Variants in DDX55 observed in about 807,000 individuals in gnomAD.
DDX55 encodes DEAD-box helicase 55.
DDX55 carries 56 observed loss-of-function variants against 69.2 expected under a neutral mutation model. The ratio of observed to expected loss-of-function variants is 0.81; its 90% CI spans 0.65 to 1.01. The LOEUF (loss-of-function observed/expected upper bound fraction) is 1.01. Among genes scored for constraint, DDX55 ranks in the 50% least tolerant of loss-of-function variants. The pLI is 0.00. For synonymous variants in DDX55, 268 were observed against 273.1 expected, an observed-to-expected ratio of 0.98 and a Z score of 0.18; for missense variants, 720 against 745.1, an observed-to-expected ratio of 0.97 and a Z score of 0.39.
chr12:123,602,793 A>G (rs1953647763), intron 1 of DDX55, among the ~76,000 whole-genome samples: 1 of 152,172 alleles, frequency 6.6e-6, no homozygotes, highest in South Asian at 2.1e-4. Context: ...AGAGCTAGAG[A>G]AAGGATAATT....
At chr12:123,610,442 C>T (rs1954142250) in intron 7 of DDX55, among the ~76,000 whole-genome samples, 1 of 151,976 alleles carries the variant, frequency 6.6e-6, no homozygotes, top group South Asian at 2.1e-4. Flanking sequence ...AGTTCCTGGG[C>T]CCGTCAGAAC....
At chr12:123,605,887 T>C in intron 1 of DDX55, 44 bp from the exon 2 acceptor site, 3 of 1,613,868 alleles carry the variant, frequency 1.9e-6, no homozygotes, top group Non-Finnish European at 2.5e-6. Flanking sequence ...CACCTGTGAA[T>C]TGATGGCATC....
intron 11 of DDX55, 106 bp from the exon 12 acceptor site, chr12:123,618,563 T>C (rs750733083): frequency 2.3e-5 from 35 of 1,546,852 alleles, no homozygotes; most frequent in East Asian, 1.4e-4. Flanking sequence ...ACCTCAACAG[T>C]TGAAAAGGAA....
At chr12:123,617,642 C>A in intron 10 of DDX55, 116 bp from the exon 11 acceptor site, 1 of 779,304 alleles carries the variant, frequency 1.3e-6, no homozygotes, top group Non-Finnish European at 2.0e-6. Context: ...CCACACTGAG[C>A]TGTGGAGGCT....
intron 11 of DDX55, chr12:123,618,169 AC>A (rs2135745104): frequency 5.1e-6 from 2 of 391,500 alleles, no homozygotes; most frequent in East Asian, 1.3e-4. Context: ...GGCATGCGCC[AC>A]CCCAGCTAAT....
Position 123,616,501 on chromosome 12 carries a change from C to G in DDX55, c.957-10C>G. 1 of 1,613,468 alleles carries G rather than the reference C, an allele frequency of 6.2e-7. No individual in the cohort carries two copies. The highest frequency in any genetic ancestry group is 1.1e-5 in the South Asian group (1 of 91,016). On this transcript the variant is annotated splice_polypyrimidine_tract_variant and intron_variant, in intron 9 of 13. Transcript: ENST00000238146. The stretch of plus-strand genomic sequence containing the variant: ...CTCCTTACTCAGAATGCTTTTTTCT[C>G]ATTTCCTAGTGGGATTTTAGTGTGC...
At chr12:123,611,197 C>A (rs917457695) in intron 7 of DDX55, among the ~76,000 whole-genome samples, 1 of 152,234 alleles carries the variant, frequency 6.6e-6, no homozygotes, top group African/African-American at 2.4e-5. Flanking sequence ...TCATGCCTGG[C>A]CCAAATATGC....
rs772077688 is a variant in DDX55 at position 123,620,110 on chromosome 12, A to AGG, written c.1775_1776dup (p.Ile593GlyfsTer21). The AGG allele has an allele frequency of 3.4e-4, 542 of 1,614,004 alleles. No individual in the cohort carries two copies. Among genetic ancestry groups the AGG allele is most frequent in the Non-Finnish European group, 4.3e-4 (507 of 1,179,970 alleles). On this transcript the variant is annotated frameshift_variant, in exon 14 of 14. Coordinates refer to ENST00000238146, the MANE Select transcript of DDX55 (RefSeq NM_020936.3). LOFTEE classifies it high-confidence loss of function. ...AAAGAACAATCAAGACAGTGGATTT[A>AGG]GGGATCTCAGATTTGGAAGATGACT... is the stretch of plus-strand genomic sequence containing the variant.
rs1954900125 is a variant in DDX55, at chr12:123,618,710, CCTT to C, written c.1209_1211del (p.Leu404del). 1.9e-6 allele frequency: 3 copies of C among 1,614,118 alleles called. No homozygotes were observed. Among genetic ancestry groups the C allele is most frequent in the South Asian group, 1.1e-5 (1 of 91,066 alleles). ...TGAAGCCCCAGAGAAACACAGCGGA[CCTT>C]CTGCCAAAACTCAAGTCCATGGCCC... On this transcript the variant is annotated inframe_deletion, in exon 12 of 14. Coordinates refer to ENST00000238146, the MANE Select transcript of DDX55 (RefSeq NM_020936.3).
intron 5 of DDX55, 92 bp downstream of exon 5, chr12:123,607,754 C>A: frequency 6.4e-7 from 1 of 1,562,430 alleles, no homozygotes. Flanking sequence ...GTGGGTCCCC[C>A]TTTCAGCAGC....
In DDX55 at chr12:123,620,145, A is replaced by G; in HGVS notation, c.*5A>G. ...GATTTGGAAGATGACTGCTGATTCCAGTGCCACAGATGAACCCACAAGGAC... is the reference window on the plus strand; with the variant it reads ...GATTTGGAAGATGACTGCTGATTCCGGTGCCACAGATGAACCCACAAGGAC... On this transcript the variant is annotated 3_prime_UTR_variant, in exon 14 of 14. Transcript: ENST00000238146. 1 of 1,612,656 alleles carries G rather than the reference A, an allele frequency of 6.2e-7. No individual in the cohort carries two copies. Among genetic ancestry groups the G allele is most frequent in the Non-Finnish European group, 8.5e-7 (1 of 1,179,102 alleles).
In DDX55 at chr12:123,620,168, G is replaced by C; in HGVS notation, c.*28G>C. The C allele has an allele frequency of 6.3e-7, 1 of 1,589,300 alleles. No homozygotes were observed. Among genetic ancestry groups the C allele is most frequent in the Non-Finnish European group, 8.6e-7 (1 of 1,165,738 alleles). The stretch of plus-strand genomic sequence containing the variant: ...CCAGTGCCACAGATGAACCCACAAG[G>C]ACATAGCTGTTCCCTAACTTGGTGG... On this transcript the variant is annotated 3_prime_UTR_variant, in exon 14 of 14. Coordinates refer to ENST00000238146, the MANE Select transcript of DDX55 (RefSeq NM_020936.3).
rs894789117 is a variant in DDX55, at chr12:123,610,340, A to T, written c.741+212A>T. The stretch of plus-strand genomic sequence containing the variant: ...TGTATTTTAAGCACAGTCTCTAAGG[A>T]CAGAGTCTCTGAACCTCCTACCCTC... On this transcript the variant is annotated intron_variant, in intron 7 of 13. Coordinates refer to ENST00000238146, the MANE Select transcript of DDX55 (RefSeq NM_020936.3). Among the ~76,000 whole-genome samples the T allele has an allele frequency of 2.1e-4, 32 of 152,250 alleles. No individual in the cohort carries two copies. Among genetic ancestry groups the T allele is most frequent in the Non-Finnish European group, 1.6e-4 (11 of 68,024 alleles).
intron 11 of DDX55, chr12:123,618,214 G>A (rs1312114643): frequency 5.2e-6 from 2 of 384,334 alleles, no homozygotes; most frequent in African/African-American, 4.2e-5. Flanking sequence ...GTTTCTCCAT[G>A]TTGGTCAGGC....
intron 11 of DDX55, 123 bp downstream of exon 11, chr12:123,617,995 C>A: frequency 1.2e-6 from 1 of 838,056 alleles, no homozygotes; most frequent in East Asian, 2.9e-5. Flanking sequence ...CTGGTGGTGG[C>A]AGTGGGGGGC....
In DDX55 at chr12:123,619,691, G is replaced by GA; in HGVS notation, c.1600dup (p.Met534AsnfsTer3). 1 of 1,572,350 alleles carries GA rather than the reference G, an allele frequency of 6.4e-7. No individual in the cohort carries two copies. The highest frequency in any genetic ancestry group is 8.6e-7 in the Non-Finnish European group (1 of 1,168,476). Reference sequence around the variant, plus strand: ...AGCAGAAGGCCAAAAAAGAAAAGAAGAAAAAAATGAATGAGAAAAGGAAAA... The same window carrying GA: ...AGCAGAAGGCCAAAAAAGAAAAGAAGAAAAAAAATGAATGAGAAAAGGAAAA... On this transcript the variant is annotated frameshift_variant, in exon 13 of 14. Coordinates refer to ENST00000238146, the MANE Select transcript of DDX55 (RefSeq NM_020936.3). LOFTEE classifies it high-confidence loss of function.
intron 9 of DDX55, 30 bp downstream of exon 9, chr12:123,615,346 C>T: frequency 1.2e-6 from 2 of 1,610,408 alleles, no homozygotes; most frequent in Non-Finnish European, 1.7e-6. Flanking sequence ...GGTAGCAGCT[C>T]TCCTGCCACA....
Position 123,620,027 on chromosome 12 carries a change from C to T in DDX55, c.1690C>T (p.Leu564Phe). 6.2e-7 allele frequency: 1 copy of T among 1,614,036 alleles called. No individual in the cohort carries two copies. Among genetic ancestry groups the T allele is most frequent in the Non-Finnish European group, 8.5e-7 (1 of 1,179,952 alleles). Residue 564 changes from leucine (L) to phenylalanine (F), a missense_variant, in exon 14 of 14, where the codon CTT (leucine) becomes TTT (phenylalanine). Physicochemically the swap from Leu to Phe is conservative, Grantham distance 22 (BLOSUM62 0). Coordinates refer to ENST00000238146, the MANE Select transcript of DDX55 (RefSeq NM_020936.3). ...LLNDTRLLKK[L>F]KKGKITEEEF... ...TAATGACACAAGACTCTTGAAAAAA[C>T]TTAAGAAAGGCAAAATAACTGAAGA...
At position 123,607,460 on chromosome 12, in the gene DDX55, G is replaced by A. The variant is rs753896710; in HGVS notation, c.275G>A (p.Arg92Gln). The part of the protein sequence containing the change: ...QVGAIIITPT[R>Q]ELAIQIDEVL... Reference sequence around the variant, plus strand: ...GGAGCCATAATCATCACCCCCACTCGAGAGCTGGCCATTCAAATAGACGAG... The same window carrying A: ...GGAGCCATAATCATCACCCCCACTCAAGAGCTGGCCATTCAAATAGACGAG... The change falls in exon 4 of 14, where the codon CGA (arginine) becomes CAA (glutamine). Residue 92 changes from arginine (R) to glutamine (Q), a missense_variant. By Grantham distance (43) the Arg-to-Gln change is conservative. Transcript: ENST00000238146. 1.9e-5 allele frequency: 31 copies of A among 1,613,958 alleles called. No homozygotes were observed. The highest frequency in any genetic ancestry group is 2.6e-5 in the Non-Finnish European group (31 of 1,180,020).
Sources: gnomAD v4.1 joint callset for allele counts (sites outside exome capture counted in the v4.1 genomes callset) on GRCh38, gnomAD v4.1.1 for gene constraint, MANE v1.5 for transcripts, NCBI Gene and HGNC (gene_info 2026-07-23, HGNC 2026-07-21) for gene names.